The following ITFG1 variants were observed in gnomAD, a reference collection of about 807,000 sequenced individuals.
ITFG1 encodes integrin alpha FG-GAP repeat containing 1, also known as T-cell immunomodulatory protein.
Under a neutral mutation model 81.8 loss-of-function variants are expected in ITFG1, and 34 were observed. The ratio of observed to expected loss-of-function variants is 0.42; its 90% CI spans 0.32 to 0.55. The LOEUF is 0.55. Among genes scored for constraint, ITFG1 ranks in the 20% least tolerant of loss-of-function variants. ITFG1 has a pLI of 0.17. For missense variants in ITFG1, 672 were observed against 755.4 expected, an observed-to-expected ratio of 0.89 and a Z score of 1.29; for synonymous variants, 285 against 270.6, an observed-to-expected ratio of 1.05 and a Z score of -0.52.
intron 8 of ITFG1, among the ~76,000 whole-genome samples, chr16:47,350,833 G>A (rs994060845): frequency 6.6e-6 from 1 of 152,128 alleles, no homozygotes. Context: ...CTGACAAACC[G>A]AATCCAGCAG....
At chr16:47,337,395 C>T (rs567712294) in intron 8 of ITFG1, among the ~76,000 whole-genome samples, 1 of 152,100 alleles carries the variant, frequency 6.6e-6, no homozygotes, top group South Asian at 2.1e-4. Flanking sequence ...TGTGGCAAAA[C>T]CCCATCTCTA....
chr16:47,290,637 G>C (rs1966894465), intron 10 of ITFG1, among the ~76,000 whole-genome samples: 1 of 152,006 alleles, frequency 6.6e-6, no homozygotes, highest in African/African-American at 2.4e-5. Context: ...AGCTCAATTG[G>C]CTTCTGTTTG....
chr16:47,268,538 ACAT>A (rs1966303543), intron 10 of ITFG1, among the ~76,000 whole-genome samples: 1 of 152,252 alleles, frequency 6.6e-6, no homozygotes, highest in Non-Finnish European at 1.5e-5. Flanking sequence ...CAAATGAAAG[ACAT>A]CATAAGAAAA....
intron 14 of ITFG1, among the ~76,000 whole-genome samples, chr16:47,203,255 A>G (rs1423067132): frequency 6.6e-6 from 1 of 152,162 alleles, no homozygotes; most frequent in East Asian, 1.9e-4. Context: ...AAAGACAAAT[A>G]CCGTGTGATT....
intron 2 of ITFG1, among the ~76,000 whole-genome samples, chr16:47,457,742 A>T (rs1969472231): frequency 6.6e-6 from 1 of 152,204 alleles, no homozygotes; most frequent in African/African-American, 2.4e-5. Context: ...GTTTTAACTT[A>T]TCAGAACACA....
intron 8 of ITFG1, among the ~76,000 whole-genome samples, chr16:47,320,594 T>G (rs1287100376): frequency 6.6e-6 from 1 of 152,244 alleles, no homozygotes; most frequent in Non-Finnish European, 1.5e-5. Context: ...CACTTTGTCT[T>G]TTATCTGTAA....
chr16:47,271,518 T>C (rs191381103), intron 10 of ITFG1, among the ~76,000 whole-genome samples: 2 of 152,224 alleles, frequency 1.3e-5, no homozygotes, highest in East Asian at 3.9e-4. Flanking sequence ...GACGGGAATA[T>C]AAAATGGCAA....
chr16:47,281,614 G>T (rs1379010015), intron 10 of ITFG1, among the ~76,000 whole-genome samples: 1 of 152,108 alleles, frequency 6.6e-6, no homozygotes, highest in Non-Finnish European at 1.5e-5. Context: ...ATAGTGTGTG[G>T]TTTTCAAGGA....
intron 12 of ITFG1, among the ~76,000 whole-genome samples, chr16:47,252,734 C>G (rs921755816): frequency 6.6e-6 from 1 of 152,164 alleles, no homozygotes; most frequent in Admixed American, 6.6e-5. Flanking sequence ...ATTTCCTTAA[C>G]TGAAAAACAG....
chr16:47,241,932 T>G (rs1387484540), intron 12 of ITFG1, among the ~76,000 whole-genome samples: 1 of 145,758 alleles, frequency 6.9e-6, no homozygotes, highest in African/African-American at 2.5e-5. Flanking sequence ...CCAGCCTGGG[T>G]GACAGAGCAA....
intron 12 of ITFG1, among the ~76,000 whole-genome samples, chr16:47,246,292 C>A (rs540426206): frequency 6.6e-4 from 100 of 152,220 alleles, no homozygotes; most frequent in Non-Finnish European, 1.1e-3. Flanking sequence ...TTTGCCACAT[C>A]TTTTCTCCAC....
At chr16:47,423,125 T>C (rs1968972248) in intron 6 of ITFG1, among the ~76,000 whole-genome samples, 2 of 152,228 alleles carry the variant, frequency 1.3e-5, no homozygotes, top group African/African-American at 4.8e-5. Context: ...GGTGCATATA[T>C]ATTTAGGATA....
Position 47,455,458 on chromosome 16 carries a change from C to G in ITFG1, c.282-1300G>C, listed in dbSNP as rs1395304639. On this transcript the variant is annotated intron_variant, in intron 2 of 17. Transcript: ENST00000320640. ...CAGTAAGAAAACAAAAGAAAAACCT[C>G]GGAAATTAAAAATGTGACACCTGGC... Among the ~76,000 whole-genome samples the G allele has an allele frequency of 2.0e-5, 3 of 151,516 alleles. No individual in the cohort carries two copies. In the South Asian group the frequency reaches 6.2e-4, roughly 32 times the overall value.
rs1251373928 is a variant in ITFG1 at position 47,353,947 on chromosome 16, A to T, written c.802+11841T>A. On this transcript the variant is annotated intron_variant, in intron 8 of 17. Coordinates refer to ENST00000320640, the MANE Select transcript of ITFG1 (RefSeq NM_030790.5). The stretch of plus-strand genomic sequence containing the variant: ...TCGCAAGAATTCATAAATATAACCA[A>T]AGGAATATGGTTAAAATGACCACAC... 2.0e-5 allele frequency among the ~76,000 whole-genome samples: 3 copies of T among 152,278 alleles called. No homozygotes were observed. The East Asian group carries it at 5.8e-4, about 29-fold the overall frequency.
chr16:47,177,099 A>G (rs994677233), intron 14 of ITFG1, among the ~76,000 whole-genome samples: 5 of 152,016 alleles, frequency 3.3e-5, no homozygotes, highest in Non-Finnish European at 7.4e-5. Flanking sequence ...AGCTGGGAGT[A>G]TAGGCACATG....
At chr16:47,406,185 T>G (rs1968726952) in intron 6 of ITFG1, among the ~76,000 whole-genome samples, 1 of 152,222 alleles carries the variant, frequency 6.6e-6, no homozygotes, top group Non-Finnish European at 1.5e-5. Context: ...AATGATGCAT[T>G]TAGAAGCGAT....
chr16:47,323,714 G>C (rs1967484563), intron 8 of ITFG1, among the ~76,000 whole-genome samples: 1 of 151,942 alleles, frequency 6.6e-6, no homozygotes, highest in Admixed American at 6.6e-5. Context: ...TGTGAATCAA[G>C]GTAAAAGCTG....
At chr16:47,411,932 C>T (rs1968816722) in intron 6 of ITFG1, among the ~76,000 whole-genome samples, 1 of 152,016 alleles carries the variant, frequency 6.6e-6, no homozygotes, top group Non-Finnish European at 1.5e-5. Flanking sequence ...TATATTACAC[C>T]ACCAAAAAAA....
intron 6 of ITFG1, among the ~76,000 whole-genome samples, chr16:47,422,781 T>C (rs1242506892): frequency 6.6e-6 from 1 of 152,136 alleles, no homozygotes; most frequent in Non-Finnish European, 1.5e-5. Flanking sequence ...TTTTTTCCCA[T>C]AGATGTGTTT....
Sources: gnomAD v4.1 joint callset for allele counts (sites outside exome capture counted in the v4.1 genomes callset) on GRCh38, gnomAD v4.1.1 for gene constraint, MANE v1.5 for transcripts, NCBI Gene and HGNC (gene_info 2026-07-23, HGNC 2026-07-21) for gene names.